CYP4X1: variants seen among roughly 807,000 people sequenced by gnomAD.
CYP4X1 encodes cytochrome P450 4X1.
Under a neutral mutation model 57.9 loss-of-function variants are expected in CYP4X1, and 44 were observed. The ratio of observed to expected loss-of-function variants is 0.76; its 90% CI spans 0.60 to 0.98. The LOEUF (loss-of-function observed/expected upper bound fraction) is 0.98. CYP4X1 is among the 50% of genes least tolerant of loss of function. The pLI is 0.00. For missense variants in CYP4X1, 532 were observed against 623.9 expected, an observed-to-expected ratio of 0.85 and a Z score of 1.57; for synonymous variants, 227 against 228.6, an observed-to-expected ratio of 0.99 and a Z score of 0.06.
the CYP4X1 span, among the ~76,000 whole-genome samples, chr1:46,975,403 T>A: frequency 6.6e-6 from 1 of 151,498 alleles, no homozygotes; most frequent in Non-Finnish European, 1.5e-5. Flanking sequence ...AGAAGGATTT[T>A]ATTTCTCTTT....
chr1:46,970,319 G>C, the CYP4X1 span, among the ~76,000 whole-genome samples: 4 of 152,344 alleles, frequency 2.6e-5, no homozygotes, highest in African/African-American at 9.6e-5. Flanking sequence ...GGAAACAGGA[G>C]AAGGAGCAAT....
the CYP4X1 span, among the ~76,000 whole-genome samples, chr1:46,994,862 A>T: frequency 6.6e-6 from 1 of 152,224 alleles, no homozygotes; most frequent in Non-Finnish European, 1.5e-5. Context: ...AGGAATTTAT[A>T]GTCTAATTTA....
the CYP4X1 span, among the ~76,000 whole-genome samples, chr1:47,009,456 C>T: frequency 6.6e-6 from 1 of 151,856 alleles, no homozygotes; most frequent in Non-Finnish European, 1.5e-5. Context: ...CAAAAGAAAG[C>T]AGGAAAGATC....
chr1:46,983,180 A>AG, the CYP4X1 span, among the ~76,000 whole-genome samples: 1 of 152,266 alleles, frequency 6.6e-6, no homozygotes, highest in South Asian at 2.1e-4. Context: ...GGTGGCAGCA[A>AG]GGGTGGGTAT....
At chr1:46,970,017 A>C in the CYP4X1 span, among the ~76,000 whole-genome samples, 2 of 152,244 alleles carry the variant, frequency 1.3e-5, no homozygotes, top group Non-Finnish European at 2.9e-5. Context: ...TATGACTCCA[A>C]AAGTAAGACT....
At chr1:46,996,395 T>C in the CYP4X1 span, among the ~76,000 whole-genome samples, 1 of 152,220 alleles carries the variant, frequency 6.6e-6, no homozygotes, top group African/African-American at 2.4e-5. Flanking sequence ...TCTTCCAGTG[T>C]TTCCAAGTAG....
In CYP4X1 at chr1:47,026,295, G is replaced by A. The variant is rs115488497; in HGVS notation, c.177+2301G>A. The stretch of plus-strand genomic sequence containing the variant: ...GGATGGGTACCCCATTCTTCATGAT[G>A]TGCCTATTTCACATTGCATGCCTGT... On this transcript the variant is annotated intron_variant, in intron 1 of 11. Coordinates refer to ENST00000371901, the MANE Select transcript of CYP4X1 (RefSeq NM_178033.2). Among the ~76,000 whole-genome samples the A allele has an allele frequency of 9.4e-3, 1,436 of 152,212 alleles. 11 individuals are homozygous for A. The highest frequency in any genetic ancestry group is 0.032 in the African/African-American group (1,342 of 41,494).
intron 1 of CYP4X1, among the ~76,000 whole-genome samples, chr1:47,028,722 A>G (rs1025010436): frequency 4.6e-5 from 7 of 152,222 alleles, no homozygotes; most frequent in African/African-American, 1.7e-4. Context: ...TAAACAAACA[A>G]TTGTCATATT....
the CYP4X1 span, among the ~76,000 whole-genome samples, chr1:46,988,635 A>G: frequency 1.3e-5 from 2 of 152,194 alleles, no homozygotes; most frequent in Non-Finnish European, 2.9e-5. Context: ...AAAATCCTCA[A>G]TAAAATACTG....
chr1:46,999,978 G>C, the CYP4X1 span, among the ~76,000 whole-genome samples: 1 of 152,044 alleles, frequency 6.6e-6, no homozygotes, highest in Non-Finnish European at 1.5e-5. Flanking sequence ...TGAAATGTGA[G>C]AAGGACATGA....
the CYP4X1 span, among the ~76,000 whole-genome samples, chr1:46,985,107 C>A: frequency 6.6e-6 from 1 of 152,178 alleles, no homozygotes; most frequent in Admixed American, 6.5e-5. Flanking sequence ...TCCAACTGGG[C>A]AGAGCCCTCC....
chr1:47,014,500 TCCA>T, the CYP4X1 span, among the ~76,000 whole-genome samples: 1 of 152,240 alleles, frequency 6.6e-6, no homozygotes, highest in African/African-American at 2.4e-5. Context: ...TTGACACTTC[TCCA>T]TACCTCCTTA....
chr1:47,042,052 A>G (rs906533326), intron 8 of CYP4X1, among the ~76,000 whole-genome samples: 2 of 152,046 alleles, frequency 1.3e-5, no homozygotes, highest in African/African-American at 2.4e-5. Flanking sequence ...TCACCACTGT[A>G]TGTTACTGGA....
chr1:46,987,952 C>G, the CYP4X1 span, among the ~76,000 whole-genome samples: 51 of 152,268 alleles, frequency 3.3e-4, 1 homozygote, highest in Non-Finnish European at 5.9e-4. Context: ...AAAATTGACA[C>G]TCTAACTTCA....
At chr1:47,035,735 CAGG>C in intron 4 of CYP4X1, 68 bp from the exon 5 acceptor site, 1 of 1,553,054 alleles carries the variant, frequency 6.4e-7, no homozygotes, top group Non-Finnish European at 8.7e-7. Flanking sequence ...CAGGGCCAGG[CAGG>C]AGCCTTCAAA....
intron 9 of CYP4X1, among the ~76,000 whole-genome samples, chr1:47,047,671 G>A (rs947604780): frequency 2.6e-5 from 4 of 151,986 alleles, no homozygotes; most frequent in Admixed American, 6.6e-5. Context: ...GCGTAATCTC[G>A]GCTCACTGCA....
rs1484851865 is a variant in CYP4X1, at chr1:47,036,032, T to C, written c.636T>C (p.Tyr212=). The change falls in exon 6 of 12, where the codon TAT becomes TAC. Residue 212 remains tyrosine (Y), a synonymous_variant. Coordinates refer to ENST00000371901, the MANE Select transcript of CYP4X1 (RefSeq NM_178033.2). ...NCQTNSTHDP[Y]AKAIFELSKI... ...TCTCTTCTAGCACCCATGATCCTTATGCAAAAGCCATATTTGAACTCAGCA... is the reference window on the plus strand; with the variant it reads ...TCTCTTCTAGCACCCATGATCCTTACGCAAAAGCCATATTTGAACTCAGCA... The C allele has an allele frequency of 6.2e-7, 1 of 1,613,060 alleles. No individual in the cohort carries two copies. The highest frequency in any genetic ancestry group is 2.2e-5 in the East Asian group (1 of 44,856).
the CYP4X1 span, among the ~76,000 whole-genome samples, chr1:46,992,267 A>G: frequency 1.3e-5 from 2 of 152,242 alleles, no homozygotes; most frequent in African/African-American, 2.4e-5. Flanking sequence ...AGAATATAAA[A>G]ATAGACACTT....
At chr1:46,982,120 T>G in the CYP4X1 span, among the ~76,000 whole-genome samples, 1 of 152,142 alleles carries the variant, frequency 6.6e-6, no homozygotes, top group South Asian at 2.1e-4. Flanking sequence ...CCCTAGAACT[T>G]AAAATATAAT....
Sources: allele counts gnomAD v4.1 joint callset (sites outside exome capture counted in the v4.1 genomes callset), GRCh38; gene constraint gnomAD v4.1.1; transcripts MANE v1.5; gene names NCBI Gene and HGNC (gene_info 2026-07-23, HGNC 2026-07-21).